MCTP1: variants seen among roughly 807,000 people sequenced by gnomAD.
MCTP1 encodes multiple C2 and transmembrane domain containing 1, also known as multiple C2 and transmembrane domain-containing protein 1.
MCTP1 carries 69 observed loss-of-function variants against 120.6 expected under a neutral mutation model. The observed-to-expected ratio is 0.57, with a 90% confidence interval of 0.47 to 0.70. MCTP1 has a LOEUF of 0.70. Ranked by LOEUF, MCTP1 falls within the 30% of genes least tolerant of loss-of-function variation. The pLI, the probability that MCTP1 is intolerant of heterozygous loss-of-function variation, is 0.00. For synonymous variants in MCTP1, 529 were observed against 493.1 expected, an observed-to-expected ratio of 1.07 and a Z score of -0.96; for missense variants, 1,203 against 1,248.8, an observed-to-expected ratio of 0.96 and a Z score of 0.55.
chr5:95,034,316 T>C lies in MCTP1; in HGVS notation c.721-16832A>G, dbSNP rs191460500. Among the ~76,000 whole-genome samples the C allele has an allele frequency of 1.2e-4, 19 of 152,146 alleles. No individual in the cohort carries two copies. The East Asian group carries it at 3.1e-3, about 25-fold the overall frequency. ...GCTGGAAGTATCACATTACATGACT[T>C]CCAACTATACTACAAGGCTATAATA... On this transcript the variant is annotated intron_variant, in intron 1 of 22. Coordinates refer to ENST00000515393, the MANE Select transcript of MCTP1 (RefSeq NM_024717.7).
At chr5:95,040,531 G>C (rs1256198563) in intron 1 of MCTP1, among the ~76,000 whole-genome samples, 1 of 151,990 alleles carries the variant, frequency 6.6e-6, no homozygotes, top group East Asian at 1.9e-4. Context: ...TTAACTTCCG[G>C]ATAACTGCCT....
At chr5:94,786,863 T>C (rs892828520) in intron 18 of MCTP1, among the ~76,000 whole-genome samples, 10 of 152,376 alleles carry the variant, frequency 6.6e-5, no homozygotes, top group Admixed American at 6.5e-4. Flanking sequence ...AAAATTATGT[T>C]TCTGATGCAA....
At chr5:94,935,473 A>T (rs1183217102) in intron 5 of MCTP1, among the ~76,000 whole-genome samples, 1 of 151,988 alleles carries the variant, frequency 6.6e-6, no homozygotes, top group Non-Finnish European at 1.5e-5. Context: ...CCAGTTATTC[A>T]TTTCTTCCTA....
At chr5:94,912,231 C>A (rs1808810351) in intron 9 of MCTP1, among the ~76,000 whole-genome samples, 1 of 151,634 alleles carries the variant, frequency 6.6e-6, no homozygotes, top group African/African-American at 2.4e-5. Flanking sequence ...TCGAGACCAT[C>A]CTGGCTAACA....
chr5:95,182,839 T>C (rs377180922), intron 1 of MCTP1, among the ~76,000 whole-genome samples: 2 of 151,802 alleles, frequency 1.3e-5, no homozygotes, highest in Non-Finnish European at 2.9e-5. Context: ...CTGGCTAACA[T>C]GGTAAAATCC....
At chr5:95,225,318 A>C (rs898186461) in intron 1 of MCTP1, among the ~76,000 whole-genome samples, 1 of 152,202 alleles carries the variant, frequency 6.6e-6, no homozygotes, top group Non-Finnish European at 1.5e-5. Flanking sequence ...AGGTGTCAGC[A>C]GTATAGGCCT....
chr5:95,072,740 A>AT (rs11421165), intron 1 of MCTP1, among the ~76,000 whole-genome samples: 9,970 of 95,248 alleles, frequency 0.1, 2,159 homozygotes, highest in African/African-American at 0.36. Flanking sequence ...CTTAGCAACT[A>AT]TTTTTTTTTT....
chr5:94,816,989 C>T (rs764062068), intron 17 of MCTP1, among the ~76,000 whole-genome samples: 7 of 152,106 alleles, frequency 4.6e-5, no homozygotes, highest in Non-Finnish European at 1.0e-4. Flanking sequence ...TAAAAGGTGT[C>T]AAAGATAAGA....
intron 1 of MCTP1, among the ~76,000 whole-genome samples, chr5:95,134,837 TAATTAA>T (rs1288173226): frequency 1.3e-5 from 2 of 151,836 alleles, no homozygotes; most frequent in African/African-American, 4.8e-5. Context: ...GATAATAAAT[TAATTAA>T]AATAATCTTT....
chr5:95,129,726 C>G (rs1237456948), intron 1 of MCTP1, among the ~76,000 whole-genome samples: 1 of 151,750 alleles, frequency 6.6e-6, no homozygotes, highest in Non-Finnish European at 1.5e-5. Flanking sequence ...GTGGCGCAAT[C>G]TTGGCTCACT....
chr5:94,836,399 C>T (rs534540337), intron 17 of MCTP1, among the ~76,000 whole-genome samples: 32 of 152,116 alleles, frequency 2.1e-4, no homozygotes, highest in South Asian at 4.2e-4. Context: ...AAACATGATA[C>T]GGTATTGTTA....
At chr5:94,770,646 G>A (rs1773845380) in intron 19 of MCTP1, among the ~76,000 whole-genome samples, 1 of 152,196 alleles carries the variant, frequency 6.6e-6, no homozygotes, top group Non-Finnish European at 1.5e-5. Context: ...CTTCTGCAAA[G>A]TGGAACAAGG....
At chr5:94,830,794 G>A (rs1254274045) in intron 17 of MCTP1, among the ~76,000 whole-genome samples, 1 of 151,686 alleles carries the variant, frequency 6.6e-6, no homozygotes, top group African/African-American at 2.4e-5. Context: ...CAGACAAGAT[G>A]GGTCATTTCT....
At chr5:95,244,519 G>A (rs1756532463) in intron 1 of MCTP1, among the ~76,000 whole-genome samples, 1 of 152,234 alleles carries the variant, frequency 6.6e-6, no homozygotes, top group Admixed American at 6.5e-5. Context: ...GGCAGACCAG[G>A]AGATACCCTC....
intron 2 of MCTP1, among the ~76,000 whole-genome samples, chr5:94,994,250 T>C (rs773113910): frequency 2.0e-5 from 3 of 152,108 alleles, no homozygotes; most frequent in Non-Finnish European, 2.9e-5. Context: ...GGAGGGACAA[T>C]TTAGTATACA....
chr5:95,162,374 T>G (rs1456147257), intron 1 of MCTP1, among the ~76,000 whole-genome samples: 1 of 152,148 alleles, frequency 6.6e-6, no homozygotes, highest in Non-Finnish European at 1.5e-5. Flanking sequence ...TTTCAACACT[T>G]CTTTGTTGGC....
intron 2 of MCTP1, among the ~76,000 whole-genome samples, chr5:94,969,256 T>C (rs1826260139): frequency 6.6e-6 from 1 of 152,178 alleles, no homozygotes; most frequent in Non-Finnish European, 1.5e-5. Flanking sequence ...ATTTAAAGCC[T>C]TTTATGTTAT....
chr5:94,984,786 T>G (rs780894022), intron 2 of MCTP1, among the ~76,000 whole-genome samples: 8 of 152,098 alleles, frequency 5.3e-5, no homozygotes, highest in Non-Finnish European at 1.0e-4. Flanking sequence ...ACTTTATATT[T>G]AATATAAAGG....
intron 1 of MCTP1, among the ~76,000 whole-genome samples, chr5:95,127,528 T>A (rs536944474): frequency 6.6e-6 from 1 of 152,000 alleles, no homozygotes; most frequent in Non-Finnish European, 1.5e-5. Flanking sequence ...TGGAAGAGCA[T>A]CTATTTGCCA....
Sources: gnomAD v4.1 joint callset for allele counts (sites outside exome capture counted in the v4.1 genomes callset) on GRCh38, gnomAD v4.1.1 for gene constraint, MANE v1.5 for transcripts, NCBI Gene and HGNC (gene_info 2026-07-23, HGNC 2026-07-21) for gene names.